Variants in GPHN observed in about 807,000 individuals in gnomAD.
GPHN encodes gephyrin.
GPHN carries 17 observed loss-of-function variants against 95.5 expected under a neutral mutation model. The observed-to-expected ratio is 0.18, with a 90% CI of 0.12 to 0.27. The LOEUF is 0.27. Among genes scored for constraint, GPHN ranks in the 10% least tolerant of loss-of-function variants. GPHN has a pLI of 1.00. For synonymous variants in GPHN, 320 were observed against 322.5 expected, an observed-to-expected ratio of 0.99 and a Z score of 0.08; for missense variants, 660 against 978.1, an observed-to-expected ratio of 0.67 and a Z score of 4.34.
chr14:67,173,572 A>G (rs1028380187), intron 21 of GPHN, among the ~76,000 whole-genome samples: 3 of 152,188 alleles, frequency 2.0e-5, no homozygotes, highest in Admixed American at 6.5e-5. Flanking sequence ...GACTTTTTCT[A>G]TGGAAACCAG....
chr14:66,729,655 CATT>C, intron 2 of GPHN, among the ~76,000 whole-genome samples: 1 of 152,196 alleles, frequency 6.6e-6, no homozygotes, highest in Non-Finnish European at 1.5e-5. Flanking sequence ...CATCAGAGAT[CATT>C]ATTTTTTGTA....
chr14:67,433,606 G>A, the GPHN span, among the ~76,000 whole-genome samples: 1 of 152,034 alleles, frequency 6.6e-6, no homozygotes, highest in Non-Finnish European at 1.5e-5. Flanking sequence ...AAAACTCATC[G>A]GGAGTATGAA....
intron 2 of GPHN, among the ~76,000 whole-genome samples, chr14:66,765,254 G>C (rs1367134560): frequency 6.6e-6 from 1 of 152,156 alleles, no homozygotes. Context: ...GAAAAGCAGT[G>C]TGGCAATATT....
the GPHN span, among the ~76,000 whole-genome samples, chr14:67,328,529 GTT>G: frequency 6.6e-6 from 1 of 152,188 alleles, no homozygotes; most frequent in Non-Finnish European, 1.5e-5. Flanking sequence ...TGCTTTTGGT[GTT>G]TTAGTCATGA....
At chr14:67,286,121 G>A in the GPHN span, among the ~76,000 whole-genome samples, 1 of 152,210 alleles carries the variant, frequency 6.6e-6, no homozygotes, top group Admixed American at 6.5e-5. Context: ...ATTTGTTACA[G>A]ACTTGAATTT....
At chr14:67,489,747 T>C in the GPHN span, among the ~76,000 whole-genome samples, 20 of 152,294 alleles carry the variant, frequency 1.3e-4, no homozygotes, top group South Asian at 1.9e-3. Context: ...TCCCAGCACA[T>C]TGGGAGGCCG....
chr14:67,311,894 T>C, the GPHN span: 1 of 152,588 alleles, frequency 6.6e-6, no homozygotes, highest in South Asian at 2.1e-4. Flanking sequence ...CATGAACATA[T>C]CCTTTAAAAG....
the GPHN span, chr14:67,199,698 A>T: frequency 4.4e-6 from 7 of 1,586,020 alleles, no homozygotes; most frequent in Non-Finnish European, 6.1e-6. Context: ...CTGTTTGCAG[A>T]TGCACCTCCT....
At chr14:67,353,002 T>C in the GPHN span, 1 of 1,614,124 alleles carries the variant, frequency 6.2e-7, no homozygotes, top group South Asian at 1.1e-5. Context: ...TCGACCTGTC[T>C]GTGCTCCCTT....
intron 1 of GPHN, among the ~76,000 whole-genome samples, chr14:66,550,128 T>C (rs1371726527): frequency 6.6e-6 from 1 of 152,188 alleles, no homozygotes; most frequent in Non-Finnish European, 1.5e-5. Context: ...AAGAAATACA[T>C]TTTGAAAGGC....
chr14:66,763,513 G>A (rs912559963), intron 2 of GPHN, among the ~76,000 whole-genome samples: 3 of 149,792 alleles, frequency 2.0e-5, no homozygotes, highest in Non-Finnish European at 3.0e-5. Context: ...TTCTTGCGAT[G>A]GTTTACTGAG....
chr14:67,047,783 A>G (rs1469504906), intron 10 of GPHN, among the ~76,000 whole-genome samples: 1 of 152,216 alleles, frequency 6.6e-6, no homozygotes, highest in Non-Finnish European at 1.5e-5. Flanking sequence ...CAACATAGGG[A>G]GACCCCATCT....
the GPHN span, chr14:67,620,083 G>C: frequency 5.0e-6 from 8 of 1,603,028 alleles, no homozygotes; most frequent in Non-Finnish European, 6.8e-6. Context: ...GTTCTCACAA[G>C]GGCAGGTGAG....
At chr14:66,582,587 A>G (rs998551819) in intron 1 of GPHN, among the ~76,000 whole-genome samples, 5 of 145,340 alleles carry the variant, frequency 3.4e-5, no homozygotes, top group African/African-American at 7.7e-5. Flanking sequence ...TCCTGTGTCT[A>G]TGTGTTCTCA....
At chr14:67,101,043 A>T in intron 13 of GPHN, 132 bp downstream of exon 13, 2 of 700,796 alleles carry the variant, frequency 2.9e-6, no homozygotes, top group Non-Finnish European at 5.3e-6. Context: ...AAGGGATGAA[A>T]GTATAGTTCC....
chr14:67,707,895 G>C, the GPHN span, among the ~76,000 whole-genome samples: 1 of 152,136 alleles, frequency 6.6e-6, no homozygotes, highest in East Asian at 1.9e-4. Flanking sequence ...TGTAGATAAA[G>C]GTAAGAGGCC....
chr14:66,567,333 C>T (rs1237607939), intron 1 of GPHN, among the ~76,000 whole-genome samples: 2 of 152,068 alleles, frequency 1.3e-5, no homozygotes, highest in African/African-American at 4.8e-5. Flanking sequence ...AATGCTAGGC[C>T]CTACAAGTAG....
At chr14:67,502,830 A>C in the GPHN span, among the ~76,000 whole-genome samples, 4 of 152,260 alleles carry the variant, frequency 2.6e-5, no homozygotes, top group Middle Eastern at 6.8e-3. Context: ...CCAACCAACC[A>C]ACTTTATTAA....
intron 2 of GPHN, among the ~76,000 whole-genome samples, chr14:66,745,083 C>G (rs1208211229): frequency 1.3e-5 from 2 of 152,080 alleles, no homozygotes; most frequent in Non-Finnish European, 2.9e-5. Flanking sequence ...GTTATGAATA[C>G]TACATTAAGT....
Sources: allele counts gnomAD v4.1 joint callset (sites outside exome capture counted in the v4.1 genomes callset), GRCh38; gene constraint gnomAD v4.1.1; transcripts MANE v1.5; gene names NCBI Gene and HGNC (gene_info 2026-07-23, HGNC 2026-07-21).